CHLSN: variants seen among roughly 807,000 people sequenced by gnomAD.
CHLSN encodes the protein protein cholesin.
At chr7:1,038,302 G>A in the CHLSN span, among the ~76,000 whole-genome samples, 2 of 100,424 alleles carry the variant, frequency 2.0e-5, no homozygotes, top group Non-Finnish European at 4.5e-5. Context: ...CGGGAGGGAG[G>A]TGGGGGGGTC....
chr7:1,059,321 G>A, the CHLSN span: 1 of 157,130 alleles, frequency 6.4e-6, no homozygotes, highest in Admixed American at 6.5e-5. Context: ...GAGGGCTGGA[G>A]GCTGTGTCAC....
the CHLSN span, among the ~76,000 whole-genome samples, chr7:1,050,225 C>T: frequency 1.2e-3 from 177 of 152,384 alleles, 2 homozygotes; most frequent in South Asian, 2.5e-3. Flanking sequence ...AGTGACTCCT[C>T]AGGCACAGTG....
chr7:1,040,192 A>AAAAAAAAATAAT, the CHLSN span, among the ~76,000 whole-genome samples: 2,216 of 120,700 alleles, frequency 0.018, 202 homozygotes, highest in East Asian at 0.16. Flanking sequence ...TTAAAAAAAA[A>AAAAAAAAATAAT]AAAAAAAAAA....
At chr7:1,096,899 C>A in the CHLSN span, among the ~76,000 whole-genome samples, 3,947 of 152,242 alleles carry the variant, frequency 0.026, 69 homozygotes, top group Non-Finnish European at 0.039. This position sits in a 1 kb window ranked among gnomAD's most constrained non-coding sequence, Gnocchi z 4.6. Flanking sequence ...GAGAGAACTA[C>A]AAAGAAACCT....
chr7:1,009,041 G>GCA, the CHLSN span, among the ~76,000 whole-genome samples: 80,458 of 150,790 alleles, frequency 0.53, 23,393 homozygotes, highest in African/African-American at 0.78. Flanking sequence ...GTACACACAT[G>GCA]CACACACGTA....
chr7:1,028,205 C>A, the CHLSN span: 2 of 1,006,146 alleles, frequency 2.0e-6, no homozygotes, highest in East Asian at 1.1e-4. Context: ...GGGCAGGGCC[C>A]CTCCCATCCC....
the CHLSN span, among the ~76,000 whole-genome samples, chr7:983,831 T>C: frequency 1.3e-5 from 2 of 152,156 alleles, no homozygotes; most frequent in Non-Finnish European, 2.9e-5. Context: ...AGAGGACCTG[T>C]GCCTCCTGGG....
At chr7:1,044,530 C>A in the CHLSN span, 2 of 151,636 alleles carry the variant, frequency 1.3e-5, no homozygotes, top group Non-Finnish European at 2.9e-5. Flanking sequence ...GCTCGCCGGC[C>A]GGGGGCGGGG....
chr7:1,102,785 G>A, the CHLSN span, among the ~76,000 whole-genome samples: 6 of 152,334 alleles, frequency 3.9e-5, no homozygotes, highest in South Asian at 1.2e-3. Context: ...GCTGGGATTG[G>A]GAAGTTGCAC....
the CHLSN span, chr7:985,343 C>T: frequency 3.8e-5 from 59 of 1,546,692 alleles, 1 homozygote; most frequent in East Asian, 2.0e-4. Flanking sequence ...TGCCTCCCAT[C>T]CTTGGGGTGG....
the CHLSN span, chr7:986,773 G>A: frequency 6.3e-7 from 1 of 1,589,840 alleles, no homozygotes; most frequent in East Asian, 2.2e-5. Context: ...GCAGCTATGT[G>A]GACGCCCTGA....
the CHLSN span, among the ~76,000 whole-genome samples, chr7:1,010,810 C>T: frequency 2.0e-5 from 3 of 152,192 alleles, no homozygotes; most frequent in African/African-American, 7.2e-5. Flanking sequence ...AGCCGGGCCA[C>T]GGGGTGACCA....
the CHLSN span, among the ~76,000 whole-genome samples, chr7:1,089,990 A>C: frequency 6.6e-6 from 1 of 151,936 alleles, no homozygotes; most frequent in Non-Finnish European, 1.5e-5. Flanking sequence ...AGGCTGAGGC[A>C]GGAGAACCAC....
the CHLSN span, among the ~76,000 whole-genome samples, chr7:1,109,628 C>T: frequency 6.6e-6 from 1 of 152,132 alleles, no homozygotes; most frequent in East Asian, 1.9e-4. Flanking sequence ...CCCCACTCAC[C>T]TCTGCGTGGG....
At chr7:1,041,975 C>T in the CHLSN span, among the ~76,000 whole-genome samples, 1 of 152,210 alleles carries the variant, frequency 6.6e-6, no homozygotes, top group Non-Finnish European at 1.5e-5. Flanking sequence ...AGGGGAAGGG[C>T]GGCCCCAACA....
chr7:1,002,694 T>G, the CHLSN span, among the ~76,000 whole-genome samples: 2 of 42,062 alleles, frequency 4.8e-5, no homozygotes, highest in African/African-American at 1.6e-4. Context: ...TGCGGGTGAG[T>G]GGAGCCCTGT....
chr7:1,051,822 G>A, the CHLSN span, among the ~76,000 whole-genome samples: 1 of 152,164 alleles, frequency 6.6e-6, no homozygotes, highest in African/African-American at 2.4e-5. Flanking sequence ...AACGTTAAAT[G>A]AAAACATTAG....
chr7:1,136,347 AATAT>A, the CHLSN span, among the ~76,000 whole-genome samples: 1,270 of 73,690 alleles, frequency 0.017, 153 homozygotes, highest in African/African-American at 0.08. Flanking sequence ...TAAACATATA[AATAT>A]ATATAAACAT....
the CHLSN span, among the ~76,000 whole-genome samples, chr7:1,087,656 A>C: frequency 6.6e-6 from 1 of 152,186 alleles, no homozygotes; most frequent in African/African-American, 2.4e-5. Flanking sequence ...TCAGATTCCT[A>C]AGTTACTTGT....
Sources: allele counts gnomAD v4.1 joint callset (sites outside exome capture counted in the v4.1 genomes callset), GRCh38; gene constraint gnomAD v4.1.1; non-coding constraint Gnocchi (gnomAD v3.1); transcripts MANE v1.5; gene names NCBI Gene and HGNC (gene_info 2026-07-23, HGNC 2026-07-21).